The following RPS6KA2 variants were observed in gnomAD, a reference collection of about 807,000 sequenced individuals.
RPS6KA2 encodes ribosomal protein S6 kinase alpha-2.
A neutral mutation model predicts 91.8 loss-of-function variants in RPS6KA2; 42 were observed. The ratio of observed to expected loss-of-function variants is 0.46; its 90% CI spans 0.36 to 0.59. The LOEUF is 0.59. Ranked by LOEUF, RPS6KA2 falls within the 20% of genes least tolerant of loss-of-function variation. The probability of loss-of-function intolerance (pLI) is 0.00; values close to 1 mark genes in which losing one functional copy is unlikely to be tolerated. For synonymous variants in RPS6KA2, 414 were observed against 393.6 expected (o/e 1.05, Z -0.61); for missense variants, 798 against 978.5 (o/e 0.82, Z 2.46).
rs952510396 is a variant in RPS6KA2, at chr6:166,612,493, C to A, written c.99+14428G>T. The stretch of plus-strand genomic sequence containing the variant: ...CTGGCTCCCCTCGCGGGCTTGCAAC[C>A]AGGCACTCTTCCTCTCTCCCTCCAT... On this transcript the variant is annotated intron_variant, in intron 1 of 20. Transcript: ENST00000265678. This position sits in a 1 kb window ranked among gnomAD's most constrained non-coding sequence, Gnocchi z 4.3. Among the ~76,000 whole-genome samples, 1 of 152,176 alleles carries A rather than the reference C, an allele frequency of 6.6e-6. No homozygotes were observed. The highest frequency in any genetic ancestry group is 2.4e-5 in the African/African-American group (1 of 41,438).
intron 2 of RPS6KA2, among the ~76,000 whole-genome samples, chr6:166,685,984 G>A (rs897916412): frequency 8.5e-5 from 13 of 152,218 alleles, no homozygotes; most frequent in Admixed American, 7.9e-4. Flanking sequence ...GGGCTGAGAC[G>A]AAGGAGCTGT....
At chr6:166,458,887 C>G (rs60925106) in intron 12 of RPS6KA2, among the ~76,000 whole-genome samples, 7 of 152,150 alleles carry the variant, frequency 4.6e-5, no homozygotes, top group Non-Finnish European at 7.3e-5. Flanking sequence ...TCATTAATAT[C>G]CCAAAAAGAT....
intron 2 of RPS6KA2, chr6:166,702,773 T>C (rs7747142): frequency 0.051 from 59,583 of 1,179,260 alleles, 5,380 homozygotes; most frequent in African/African-American, 0.37. Flanking sequence ...TTGGCGTCCT[T>C]CAAGATACCT....
At position 166,849,076 on chromosome 6, in the gene RPS6KA2, C is replaced by CCAGCCTGGG. The variant is rs1175965034; in HGVS notation, c.123+9115_123+9123dup. 6.6e-6 allele frequency among the ~76,000 whole-genome samples: 1 copy of CCAGCCTGGG among 152,122 alleles called. No homozygotes were observed. The highest frequency in any genetic ancestry group is 2.4e-5 in the African/African-American group (1 of 41,426). ...CTCTTCTCTCCACATGCATCTCAGG[C>CCAGCCTGGG]CAGCCTGGGCAGCCCCAGGCCTGCA... On this transcript the variant is annotated intron_variant, in intron 2 of 21. Transcript: ENST00000503859. This position sits in a 1 kb window ranked among gnomAD's most constrained non-coding sequence, Gnocchi z 4.9.
At chr6:166,604,458 C>A (rs564577382) in intron 1 of RPS6KA2, among the ~76,000 whole-genome samples, 1 of 151,926 alleles carries the variant, frequency 6.6e-6, no homozygotes, top group Non-Finnish European at 1.5e-5. Flanking sequence ...CAGAGTGGTG[C>A]GTGCTTCCCC....
At chr6:166,510,554 CATATATATATATATATATATATAT>C (rs58712416) in intron 3 of RPS6KA2, among the ~76,000 whole-genome samples, 197 bp from the exon 4 acceptor site, 3,322 of 78,786 alleles carry the variant, frequency 0.042, 205 homozygotes, top group Admixed American at 0.11. Flanking sequence ...TTCTCTCTCT[CATATATATATATATATATATATAT>C]ATATATATAT....
intron 1 of RPS6KA2, among the ~76,000 whole-genome samples, chr6:166,580,618 T>C (rs1405921808): frequency 2.0e-5 from 3 of 152,210 alleles, no homozygotes; most frequent in Non-Finnish European, 4.4e-5. Context: ...CCTGTCATTG[T>C]ATGTGATCAA....
At chr6:166,432,593 C>G in intron 14 of RPS6KA2, 103 bp from the exon 15 acceptor site, 1 of 666,852 alleles carries the variant, frequency 1.5e-6, no homozygotes, top group Non-Finnish European at 2.7e-6. Flanking sequence ...CCCCAGGTGG[C>G]CCAATCACTA....
At chr6:166,586,553 T>A (rs878900163) in intron 1 of RPS6KA2, 1 of 1,434,016 alleles carries the variant, frequency 7.0e-7, no homozygotes, top group East Asian at 2.3e-5. Flanking sequence ...GGGCTATGTC[T>A]ATCCAGCTCA....
rs767867114 is a variant in RPS6KA2 at position 166,531,345 on chromosome 6, C to T, written c.217-32G>A. 3.3e-5 allele frequency: 51 copies of T among 1,523,476 alleles called. No individual in the cohort carries two copies. The East Asian group carries it at 7.6e-4, about 23-fold the overall frequency. 94.4% of individuals were successfully genotyped at this position (1,523,476 alleles called of 1,614,324 possible). The stretch of plus-strand genomic sequence containing the variant: ...AAGAGAAAACGGAACATCAGAAACC[C>T]GTAAGACTTCAAACTCGCTTTCCAT... On this transcript the variant is annotated intron_variant, in intron 2 of 20. Coordinates refer to ENST00000265678, the MANE Select transcript of RPS6KA2 (RefSeq NM_021135.6).
rs1787741723 is a variant in RPS6KA2, at chr6:166,648,429, A to C, written c.124-109645T>G. 6.6e-6 allele frequency among the ~76,000 whole-genome samples: 1 copy of C among 152,220 alleles called. No homozygotes were observed. The highest frequency in any genetic ancestry group is 2.4e-5 in the African/African-American group (1 of 41,448). On this transcript the variant is annotated intron_variant, in intron 2 of 21. Coordinates refer to the RPS6KA2 transcript ENST00000503859. This position sits in a 1 kb window ranked among gnomAD's most constrained non-coding sequence, Gnocchi z 4.8. ...ATCTTACCATATACAACTGCTGCACAATCTGCCTTTGTACCTGAGACTGGG... is the reference window on the plus strand; with the variant it reads ...ATCTTACCATATACAACTGCTGCACCATCTGCCTTTGTACCTGAGACTGGG...
intron 1 of RPS6KA2, among the ~76,000 whole-genome samples, chr6:166,569,218 C>A (rs193197048): frequency 6.6e-6 from 1 of 152,350 alleles, no homozygotes; most frequent in East Asian, 1.9e-4. Context: ...GGCTGAGACC[C>A]CGCAGGGGCC....
intron 2 of RPS6KA2, among the ~76,000 whole-genome samples, chr6:166,642,444 A>G (rs1424438269): frequency 2.6e-5 from 4 of 152,242 alleles, no homozygotes; most frequent in African/African-American, 7.2e-5. Flanking sequence ...TGTATTGTAT[A>G]ATTTGTGGAC....
intron 2 of RPS6KA2, among the ~76,000 whole-genome samples, chr6:166,853,739 C>T (rs1434626371): frequency 6.6e-6 from 1 of 152,264 alleles, no homozygotes; most frequent in Non-Finnish European, 1.5e-5. Context: ...TGCCTCTAGA[C>T]CCTCAACAAG....
At chr6:166,592,248 G>A (rs1206092590) in intron 1 of RPS6KA2, among the ~76,000 whole-genome samples, 1 of 152,194 alleles carries the variant, frequency 6.6e-6, no homozygotes, top group African/African-American at 2.4e-5. Flanking sequence ...TGCTCTATGT[G>A]GAGTCCTGGC....
intron 3 of RPS6KA2, among the ~76,000 whole-genome samples, chr6:166,526,312 A>C (rs1338069482): frequency 6.6e-6 from 1 of 151,366 alleles, no homozygotes; most frequent in Non-Finnish European, 1.5e-5. Flanking sequence ...AGGAAACAAA[A>C]ATGTTTCTAT....
chr6:166,709,997 G>A (rs1170344739), intron 2 of RPS6KA2, among the ~76,000 whole-genome samples: 1 of 152,174 alleles, frequency 6.6e-6, no homozygotes, highest in Non-Finnish European at 1.5e-5. Context: ...TATCGAACCA[G>A]AATCTTCACT....
At chr6:166,668,859 C>T (rs1393281257) in intron 2 of RPS6KA2, among the ~76,000 whole-genome samples, 28 of 141,602 alleles carry the variant, frequency 2.0e-4, no homozygotes, top group Non-Finnish European at 2.8e-4. Context: ...CCCTCCCTCC[C>T]GCCTTTCTTT....
chr6:166,702,168 T>C, intron 2 of RPS6KA2: 3 of 1,598,156 alleles, frequency 1.9e-6, no homozygotes, highest in Non-Finnish European at 2.6e-6. Flanking sequence ...TGTTTGGTGA[T>C]GTTCCGAATG....
Sources: gnomAD v4.1 joint callset for allele counts (sites outside exome capture counted in the v4.1 genomes callset) on GRCh38, gnomAD v4.1.1 for gene constraint, Gnocchi (gnomAD v3.1) non-coding constraint, MANE v1.5 for transcripts, NCBI Gene and HGNC (gene_info 2026-07-23, HGNC 2026-07-21) for gene names.